Variants in ABLIM1 observed in about 807,000 individuals in gnomAD.
ABLIM1 encodes actin-binding LIM protein 1.
A neutral mutation model predicts 107.0 loss-of-function variants in ABLIM1; 40 were observed. The observed-to-expected ratio is 0.37, with a 90% CI of 0.29 to 0.49. The LOEUF (loss-of-function observed/expected upper bound fraction) is 0.49. Ranked by LOEUF, ABLIM1 falls within the 20% of genes least tolerant of loss-of-function variation. ABLIM1 has a pLI of 0.97. For missense variants in ABLIM1, 857 were observed against 1,008.5 expected, an observed-to-expected ratio of 0.85 and a Z score of 2.04; for synonymous variants, 357 against 357.3, an observed-to-expected ratio of 1.00 and a Z score of 0.01.
intron 6 of ABLIM1, among the ~76,000 whole-genome samples, chr10:114,516,255 G>A (rs1384930945): frequency 6.6e-6 from 1 of 152,152 alleles, no homozygotes; most frequent in Admixed American, 6.5e-5. Context: ...CAGGTGTGGT[G>A]GCTCACACCT....
chr10:114,773,583 A>G, the ABLIM1 span, among the ~76,000 whole-genome samples: 2 of 152,144 alleles, frequency 1.3e-5, no homozygotes, highest in Non-Finnish European at 2.9e-5. Flanking sequence ...TTAGCTGGAC[A>G]TGGTGGTGCA....
chr10:114,436,345 T>C lies in ABLIM1; in HGVS notation c.2252A>G (p.Glu751Gly), dbSNP rs764026053. ...ERHLAPEVFREIFGMSIQEFD... is the reference protein window; with the variant it reads ...ERHLAPEVFRGIFGMSIQEFD... ...CTCCTGTATGGACATTCCAAAGATT[T>C]CCCGAAACACTTCAGGGGCTAAGTG... is the stretch of plus-strand genomic sequence containing the variant. The change falls in exon 23 of 23, where the codon GAA (glutamate) becomes GGA (glycine). Residue 751 changes from glutamate to glycine, a missense_variant. By Grantham distance (98) the Glu-to-Gly change is moderately conservative. Around this residue, in one of 5 missense-constraint regions of ABLIM1, gnomAD observed 193 missense variants for 208.5 expected, o/e 0.93. Coordinates refer to ENST00000533213, the MANE Select transcript of ABLIM1 (RefSeq NM_002313.7). 1.2e-6 allele frequency: 2 copies of C among 1,613,430 alleles called. No individual in the cohort carries two copies. Among genetic ancestry groups the C allele is most frequent in the East Asian group, 2.2e-5 (1 of 44,844 alleles).
chr10:114,477,183 T>C (rs957155106), intron 8 of ABLIM1, among the ~76,000 whole-genome samples: 1 of 152,206 alleles, frequency 6.6e-6, no homozygotes, highest in Non-Finnish European at 1.5e-5. Flanking sequence ...AATGTGATCA[T>C]TTATTTCCTA....
chr10:114,580,150 C>T (rs111414581), intron 2 of ABLIM1, among the ~76,000 whole-genome samples: 1 of 150,294 alleles, frequency 6.7e-6, no homozygotes, highest in Non-Finnish European at 1.5e-5. Flanking sequence ...TTCTGACATT[C>T]CTTTTTGAAT....
At chr10:114,623,623 T>C (rs2077606525) in intron 1 of ABLIM1, among the ~76,000 whole-genome samples, 1 of 152,198 alleles carries the variant, frequency 6.6e-6, no homozygotes, top group African/African-American at 2.4e-5. Flanking sequence ...GGTCCCTGAA[T>C]CAAGAACATC....
At chr10:114,726,762 T>C (rs2081969025) in intron 1 of ABLIM1, among the ~76,000 whole-genome samples, 2 of 151,656 alleles carry the variant, frequency 1.3e-5, no homozygotes. Flanking sequence ...GCCTGGTCAG[T>C]AGAGTGAGAC....
In ABLIM1 at chr10:114,684,595, C is replaced by G. The variant is rs899113718; in HGVS notation, c.-242G>C. On this transcript the variant is annotated 5_prime_UTR_variant, in exon 1 of 24. Coordinates refer to the ABLIM1 transcript ENST00000369256. ...TACAGATTCTGCATCCCCTTCTTCTCTCGACCCTGCCCCTACCACTTCTAA... is the reference window on the plus strand; with the variant it reads ...TACAGATTCTGCATCCCCTTCTTCTGTCGACCCTGCCCCTACCACTTCTAA... The G allele has an allele frequency of 3.8e-6, 5 of 1,318,264 alleles. No individual in the cohort carries two copies. In the African/African-American group the frequency reaches 7.3e-5, roughly 19 times the overall value. 81.7% of individuals were successfully genotyped at this position (1,318,264 alleles called of 1,614,324 possible).
intron 2 of ABLIM1, among the ~76,000 whole-genome samples, chr10:114,584,519 C>A (rs953248370): frequency 6.6e-6 from 1 of 152,056 alleles, no homozygotes. Flanking sequence ...GTACCACACA[C>A]GGCAGCTCAA....
chr10:114,448,159 GC>G, intron 14 of ABLIM1, 139 bp from the exon 15 acceptor site: 1 of 1,070,608 alleles, frequency 9.3e-7, no homozygotes, highest in Non-Finnish European at 1.3e-6. Context: ...ATTATCCATG[GC>G]CCAGTCACTC....
In ABLIM1 at chr10:114,547,704, C is replaced by T; in HGVS notation, c.746G>A (p.Gly249Glu). ...LLALDKQWHL[G>E]CFKCKSCGKV... ...CCCGCAGGACTTGCATTTAAAGCACCCCAAGTGCCACTGCTTATCCAGCGC... is the reference window on the plus strand; with the variant it reads ...CCCGCAGGACTTGCATTTAAAGCACTCCAAGTGCCACTGCTTATCCAGCGC... The change falls in exon 5 of 23, where the codon GGG (glycine) becomes GAG (glutamate). Residue 249 changes from glycine to glutamate, a missense_variant. Transcript: ENST00000533213. The T allele has an allele frequency of 1.2e-6, 2 of 1,613,684 alleles. No homozygotes were observed. The highest frequency in any genetic ancestry group is 1.7e-6 in the Non-Finnish European group (2 of 1,180,034).
intron 1 of ABLIM1, among the ~76,000 whole-genome samples, chr10:114,722,434 C>T (rs1329599016): frequency 1.3e-5 from 2 of 152,198 alleles, no homozygotes; most frequent in African/African-American, 4.8e-5. Context: ...CCTCCTTCAG[C>T]ATTCAGGATT....
chr10:114,745,879 C>T (rs1002389189), intron 1 of ABLIM1, among the ~76,000 whole-genome samples: 2 of 152,058 alleles, frequency 1.3e-5, no homozygotes, highest in Admixed American at 6.5e-5. Context: ...ACAATGAAAA[C>T]ATGACGTCAA....
chr10:114,781,536 G>C, the ABLIM1 span, among the ~76,000 whole-genome samples: 4 of 123,942 alleles, frequency 3.2e-5, no homozygotes, highest in Admixed American at 8.7e-5. Flanking sequence ...ATATGTGTGT[G>C]TATATATATC....
In ABLIM1 at chr10:114,719,978, G is replaced by A. The variant is rs149176274; in HGVS notation, c.-213+48083C>T. Among the ~76,000 whole-genome samples, 648 of 152,236 alleles carry A rather than the reference G, an allele frequency of 4.3e-3. 9 individuals are homozygous for A. The highest frequency in any genetic ancestry group is 0.015 in the African/African-American group (610 of 41,536). ...GCTGCACTTATCAACCCATCACCTA[G>A]GTATTAAGCCCAGCATGTATTAGCT... On this transcript the variant is annotated intron_variant, in intron 1 of 15. Transcript: ENST00000651092.
At position 114,441,709 on chromosome 10, in the gene ABLIM1, G is replaced by A. The variant is rs757412688; in HGVS notation, c.1998+13C>T. 4.3e-6 allele frequency: 7 copies of A among 1,610,316 alleles called. No homozygotes were observed. Among genetic ancestry groups the A allele is most frequent in the Admixed American group, 1.7e-5 (1 of 60,006 alleles). On this transcript the variant is annotated intron_variant, in intron 18 of 22. Coordinates refer to ENST00000533213, the MANE Select transcript of ABLIM1 (RefSeq NM_002313.7). ...AGTAAAGGCAGAAACAATGAATCGG[G>A]GAGAAATCTTACCCGGTGAAGCCCA...
chr10:114,636,691 A>T (rs2078495721), intron 1 of ABLIM1, among the ~76,000 whole-genome samples: 1 of 152,198 alleles, frequency 6.6e-6, no homozygotes, highest in Admixed American at 6.5e-5. Context: ...CTAGGTTGTA[A>T]GCTCTCTGAA....
rs190067197 is a variant in ABLIM1 at position 114,503,574 on chromosome 10, T to C, written c.895-11696A>G. On this transcript the variant is annotated intron_variant, in intron 6 of 22. Coordinates refer to ENST00000533213, the MANE Select transcript of ABLIM1 (RefSeq NM_002313.7). ...ATATATACATATATATGCATGGGAA[T>C]AGAGAGTATGTGGCAAGGTCATAGG... 3.2e-3 allele frequency among the ~76,000 whole-genome samples: 494 copies of C among 152,282 alleles called. 4 individuals are homozygous for C. Among genetic ancestry groups the C allele is most frequent in the Non-Finnish European group, 2.1e-3 (144 of 68,030 alleles).
chr10:114,607,220 G>A (rs1483390007), intron 1 of ABLIM1, among the ~76,000 whole-genome samples: 5 of 152,090 alleles, frequency 3.3e-5, no homozygotes, highest in African/African-American at 7.2e-5. Context: ...GCACCACCAC[G>A]CTCAGCTAAT....
intron 12 of ABLIM1, among the ~76,000 whole-genome samples, chr10:114,461,786 T>A (rs2063982290): frequency 6.6e-6 from 1 of 151,830 alleles, no homozygotes; most frequent in East Asian, 1.9e-4. Flanking sequence ...ACCATTGTAC[T>A]CCAGCCTGGG....
Sources: allele counts gnomAD v4.1 joint callset (sites outside exome capture counted in the v4.1 genomes callset), GRCh38; gene constraint gnomAD v4.1.1; regional missense constraint gnomAD v4.1.1; transcripts MANE v1.5; gene names NCBI Gene and HGNC (gene_info 2026-07-23, HGNC 2026-07-21).